Variants in SHC4 observed in about 807,000 individuals in gnomAD.
SHC4 encodes SHC-transforming protein 4.
A neutral mutation model predicts 69.4 loss-of-function variants in SHC4; 41 were observed. The observed-to-expected ratio is 0.59, with a 90% CI of 0.46 to 0.77. The LOEUF is 0.77. SHC4 is among the 30% of genes least tolerant of loss of function. The pLI, the probability that SHC4 is intolerant of heterozygous loss-of-function variation, is 0.00. For synonymous variants in SHC4, 318 were observed against 299.3 expected (o/e 1.06, Z -0.64); for missense variants, 777 against 783.8 (o/e 0.99, Z 0.10).
At chr15:48,847,561 C>T (rs913328075) in intron 9 of SHC4, among the ~76,000 whole-genome samples, 5 of 152,116 alleles carry the variant, frequency 3.3e-5, no homozygotes, top group Non-Finnish European at 5.9e-5. Context: ...TGGATGTCTT[C>T]GGAGGCTACT....
At chr15:48,843,695 C>T (rs882824) in intron 9 of SHC4, 107 bp from the exon 10 acceptor site, 413,647 of 1,013,790 alleles carry the variant, frequency 0.41, 88,113 homozygotes, top group Middle Eastern at 0.48. Flanking sequence ...CATGCCCCAC[C>T]CTATACAATG....
At chr15:48,856,153 G>T in intron 7 of SHC4, 29 bp from the exon 8 acceptor site, 2 of 1,595,112 alleles carry the variant, frequency 1.3e-6, no homozygotes, top group Non-Finnish European at 1.7e-6. Context: ...TCCTCAAGAG[G>T]CTGGGCGAAA....
At chr15:48,932,017 A>T (rs917838905) in intron 1 of SHC4, among the ~76,000 whole-genome samples, 3 of 152,024 alleles carry the variant, frequency 2.0e-5, no homozygotes, top group African/African-American at 7.2e-5. Flanking sequence ...GATTTCAAGG[A>T]TGATCCAGTG....
At chr15:48,937,482 A>C (rs1901092623) in intron 1 of SHC4, among the ~76,000 whole-genome samples, 1 of 152,114 alleles carries the variant, frequency 6.6e-6, no homozygotes, top group Admixed American at 6.6e-5. Context: ...CTGCTGTTCC[A>C]TGTCATCTTT....
At chr15:48,935,455 A>C (rs1901050594) in intron 1 of SHC4, among the ~76,000 whole-genome samples, 1 of 152,196 alleles carries the variant, frequency 6.6e-6, no homozygotes, top group Non-Finnish European at 1.5e-5. Context: ...CAGTGCAATT[A>C]AATGATTTAT....
intron 4 of SHC4, chr15:48,876,903 A>G (rs552440737): frequency 4.9e-3 from 948 of 194,914 alleles, no homozygotes; most frequent in Non-Finnish European, 7.2e-3. Context: ...AGTATTAACC[A>G]TCACACTTCT....
chr15:48,916,310 CACACACA>C (rs1215568099), intron 2 of SHC4, among the ~76,000 whole-genome samples: 26 of 147,076 alleles, frequency 1.8e-4, no homozygotes, highest in Middle Eastern at 6.8e-3. Flanking sequence ...CACACACACA[CACACACA>C]CCCAGAAGTA....
chr15:48,962,852 G>A lies in SHC4; in HGVS notation c.164C>T (p.Ser55Leu), dbSNP rs774564626. Residue 55 changes from serine to leucine, a missense_variant, in exon 1 of 12, where the codon TCG (serine) becomes TTG (leucine). Transcript: ENST00000332408. ...CAGGGCGGGGTGGGGAGGCTGCGGC[G>A]AGCCCTTGTTCCCGACCGAGCCTCC... ...SSGGSVGNKG[S>L]PQPPHPALAP... 21 of 1,612,916 alleles carry A rather than the reference G, an allele frequency of 1.3e-5. No homozygotes were observed. Among genetic ancestry groups the A allele is most frequent in the Admixed American group, 3.3e-5 (2 of 60,000 alleles).
At chr15:48,933,262 A>G (rs1474186952) in intron 1 of SHC4, among the ~76,000 whole-genome samples, 1 of 152,162 alleles carries the variant, frequency 6.6e-6, no homozygotes, top group African/African-American at 2.4e-5. Flanking sequence ...AGTTTTCCTG[A>G]TTTTTAATTC....
At position 48,867,826 on chromosome 15, in the gene SHC4, T is replaced by G; in HGVS notation, c.938A>C (p.Asn313Thr). The G allele has an allele frequency of 2.5e-6, 4 of 1,613,666 alleles. No individual in the cohort carries two copies. Among genetic ancestry groups the G allele is most frequent in the Non-Finnish European group, 3.4e-6 (4 of 1,179,724 alleles). Residue 313 changes from asparagine to threonine, a missense_variant, in exon 6 of 12, where the codon AAT (asparagine) becomes ACT (threonine). Asn to Thr is a moderately conservative substitution (Grantham distance 65). Coordinates refer to ENST00000332408, the MANE Select transcript of SHC4 (RefSeq NM_203349.4). ...TAAGTTGCTTTCCATACCTCGTTGA[T>G]TAACTGGATCTTTAGCTACGTAGGC... is the stretch of plus-strand genomic sequence containing the variant. Reference protein sequence around the residue: ...YVAYVAKDPVNQRACHILECH... With the variant: ...YVAYVAKDPVTQRACHILECH...
chr15:48,921,752 T>C lies in SHC4; in HGVS notation c.656+3127A>G, dbSNP rs150245440. 4.6e-3 allele frequency among the ~76,000 whole-genome samples: 702 copies of C among 152,354 alleles called. 5 individuals carry two copies. The highest frequency in any genetic ancestry group is 0.016 in the African/African-American group (679 of 41,586). ...TGCGCAACAATGTGAATGTGCTTAATGCCACTGAACTATACACTTATAAAT... is the reference window on the plus strand; with the variant it reads ...TGCGCAACAATGTGAATGTGCTTAACGCCACTGAACTATACACTTATAAAT... On this transcript the variant is annotated intron_variant, in intron 2 of 11. Coordinates refer to ENST00000332408, the MANE Select transcript of SHC4 (RefSeq NM_203349.4).
intron 1 of SHC4, among the ~76,000 whole-genome samples, chr15:48,926,186 G>A (rs1489760331): frequency 2.0e-5 from 3 of 152,144 alleles, no homozygotes; most frequent in African/African-American, 7.2e-5. Flanking sequence ...GTGTAGCTTT[G>A]CCAGGTGAGG....
At chr15:48,923,244 A>G (rs555477189) in intron 2 of SHC4, among the ~76,000 whole-genome samples, 1 of 152,184 alleles carries the variant, frequency 6.6e-6, no homozygotes, top group Non-Finnish European at 1.5e-5. Flanking sequence ...CCAAGGCCCA[A>G]TAAAGTTTAG....
chr15:48,957,282 C>T (rs568978366), intron 1 of SHC4, among the ~76,000 whole-genome samples: 1 of 152,222 alleles, frequency 6.6e-6, no homozygotes, highest in Non-Finnish European at 1.5e-5. Context: ...CTGGCTGAAA[C>T]TTCTTTTAAA....
At chr15:48,948,348 C>A (rs545520529) in intron 1 of SHC4, among the ~76,000 whole-genome samples, 1 of 152,312 alleles carries the variant, frequency 6.6e-6, no homozygotes, top group Non-Finnish European at 1.5e-5. Flanking sequence ...AAATAGGAAA[C>A]GCATTGTGAG....
intron 3 of SHC4, among the ~76,000 whole-genome samples, chr15:48,885,051 C>A (rs1426201): frequency 0.25 from 38,170 of 152,062 alleles, 6,099 homozygotes; most frequent in East Asian, 0.56. Context: ...GATTTAGAGG[C>A]AGATCCTGAG....
rs761322567 is a variant in SHC4, at chr15:48,962,959, G to C, written c.57C>G (p.Phe19Leu). The C allele has an allele frequency of 6.2e-7, 1 of 1,613,032 alleles. No individual in the cohort carries two copies. ...CCCTGTGCAGCATCCCGGGGTGCCC[G>C]AAGAGTCCTACATACAGCACGAGTC... ...LAGLVLYVGL[F>L]GHPGMLHRAK... The change falls in exon 1 of 12, where the codon TTC becomes TTG. Residue 19 changes from phenylalanine (F) to leucine (L), a missense_variant. Transcript: ENST00000332408.
intron 1 of SHC4, among the ~76,000 whole-genome samples, chr15:48,943,105 G>A (rs1901204593): frequency 6.6e-6 from 1 of 152,082 alleles, no homozygotes; most frequent in Admixed American, 6.6e-5. Context: ...TTATGTATGT[G>A]GGTAAAAACA....
chr15:48,849,068 T>C (rs934351127), intron 9 of SHC4, among the ~76,000 whole-genome samples: 2 of 152,136 alleles, frequency 1.3e-5, no homozygotes, highest in Non-Finnish European at 2.9e-5. Context: ...AAGGGAGGTA[T>C]TTGGGCAGGA....
Sources: allele counts gnomAD v4.1 joint callset (sites outside exome capture counted in the v4.1 genomes callset), GRCh38; gene constraint gnomAD v4.1.1; transcripts MANE v1.5; gene names NCBI Gene and HGNC (gene_info 2026-07-23, HGNC 2026-07-21).